GBF1: variants seen among roughly 807,000 people sequenced by gnomAD.
The protein encoded by GBF1 is Golgi-specific brefeldin A-resistance guanine nucleotide exchange factor 1.
A neutral mutation model predicts 210.5 loss-of-function variants in GBF1; 114 were observed. The ratio of observed to expected loss-of-function variants is 0.54; its 90% CI spans 0.47 to 0.63. The LOEUF (loss-of-function observed/expected upper bound fraction) is 0.63, where lower values mean the gene tolerates loss of function less well. Ranked by LOEUF, GBF1 falls within the 30% of genes least tolerant of loss-of-function variation. The pLI is 0.00. For missense variants in GBF1, 1,851 were observed against 2,357.7 expected (o/e 0.79, Z 4.45); for synonymous variants, 850 against 889.2 (o/e 0.96, Z 0.78).
chr10:102,244,186 G>A (rs150209239), upstream of GBF1, among the ~76,000 whole-genome samples: 1 of 152,268 alleles, frequency 6.6e-6, no homozygotes, highest in African/African-American at 2.4e-5. Context: ...ATAGCGCATC[G>A]TAGCACACGG....
intron 22 of GBF1, 30 bp from the exon 23 acceptor site, chr10:102,368,709 C>G: frequency 6.6e-7 from 1 of 1,520,352 alleles, no homozygotes; most frequent in Non-Finnish European, 9.1e-7. Flanking sequence ...TCCAGTGACT[C>G]TGTTTCTGGG....
At chr10:102,361,474 A>G (rs1405177530) in intron 13 of GBF1, among the ~76,000 whole-genome samples, 1 of 152,242 alleles carries the variant, frequency 6.6e-6, no homozygotes, top group Non-Finnish European at 1.5e-5. Context: ...ATGTTCACAT[A>G]GCACAAAAGG....
chr10:102,341,911 A>G lies in GBF1; in HGVS notation c.164-2140A>G, dbSNP rs568806852. 2.6e-5 allele frequency among the ~76,000 whole-genome samples: 4 copies of G among 152,014 alleles called. No individual in the cohort carries two copies. In the South Asian group the frequency reaches 6.2e-4, roughly 24 times the overall value. ...TCTGTACCTGTCCCGATTCTCAAAG[A>G]TTTTTTTCCTCTAGACTTTTATATG... is the stretch of plus-strand genomic sequence containing the variant. On this transcript the variant is annotated intron_variant, in intron 3 of 39. Coordinates refer to ENST00000369983, the MANE Select transcript of GBF1 (RefSeq NM_001377137.1).
chr10:102,364,214 TTTC>T (rs1380641657), intron 17 of GBF1, among the ~76,000 whole-genome samples: 15 of 142,922 alleles, frequency 1.0e-4, no homozygotes, highest in Middle Eastern at 7.1e-3. Context: ...GTACTTTGGA[TTTC>T]TTTTTTTTTT....
chr10:102,338,830 G>A (rs549956094), intron 3 of GBF1, among the ~76,000 whole-genome samples: 1 of 152,014 alleles, frequency 6.6e-6, no homozygotes, highest in African/African-American at 2.4e-5. Flanking sequence ...TCAGTACAGT[G>A]ATGAGAGAAA....
intron 1 of GBF1, among the ~76,000 whole-genome samples, chr10:102,257,394 G>A (rs770063879): frequency 1.3e-5 from 2 of 152,038 alleles, no homozygotes; most frequent in Admixed American, 6.6e-5. Flanking sequence ...CTGCAGCCTC[G>A]AACTCCTGAG....
chr10:102,308,981 GA>G (rs1186216279), intron 3 of GBF1, among the ~76,000 whole-genome samples: 2 of 152,176 alleles, frequency 1.3e-5, no homozygotes, highest in African/African-American at 4.8e-5. Context: ...TAAGAAGTTA[GA>G]ATAATGATTA....
intron 3 of GBF1, among the ~76,000 whole-genome samples, chr10:102,278,651 T>C (rs184950217): frequency 3.4e-4 from 52 of 152,366 alleles, no homozygotes; most frequent in African/African-American, 1.2e-3. Context: ...TCTTCTCTTA[T>C]AGCTATTTGG....
In GBF1 at chr10:102,365,337, G is replaced by C. The variant is rs957820512; in HGVS notation, c.2107-60G>C. Reference sequence around the variant, plus strand: ...GTGGGTGGGCTATGGTGGACTCCAGGCTGGCCTTGTCTAATTTAGAGGCAA... The same window carrying C: ...GTGGGTGGGCTATGGTGGACTCCAGCCTGGCCTTGTCTAATTTAGAGGCAA... On this transcript the variant is annotated intron_variant, in intron 17 of 39. Coordinates refer to ENST00000369983, the MANE Select transcript of GBF1 (RefSeq NM_001377137.1). 3.8e-6 allele frequency: 5 copies of C among 1,331,460 alleles called. No homozygotes were observed. In the African/African-American group the frequency reaches 7.2e-5, roughly 19 times the overall value. 82.5% of individuals were successfully genotyped at this position (1,331,460 alleles called of 1,614,324 possible).
At chr10:102,260,666 C>T (rs755596155) in intron 3 of GBF1, among the ~76,000 whole-genome samples, 6 of 151,192 alleles carry the variant, frequency 4.0e-5, no homozygotes, top group Admixed American at 6.6e-5. Context: ...TTAGTAGAGA[C>T]GGGGTTTCAC....
At chr10:102,367,641 C>T in intron 21 of GBF1, 81 bp downstream of exon 21, 3 of 865,320 alleles carry the variant, frequency 3.5e-6, no homozygotes, top group Non-Finnish European at 3.9e-6. Context: ...AGAGTCATGT[C>T]AGACTGCAGT....
intron 29 of GBF1, among the ~76,000 whole-genome samples, chr10:102,372,744 C>G (rs1391604935): frequency 1.3e-5 from 2 of 152,230 alleles, no homozygotes; most frequent in Admixed American, 6.5e-5. Context: ...GAACCTTGAC[C>G]TAAACCTCAT....
At chr10:102,281,592 A>G (rs2075488758) in intron 3 of GBF1, among the ~76,000 whole-genome samples, 1 of 149,460 alleles carries the variant, frequency 6.7e-6, no homozygotes, top group South Asian at 2.1e-4. Flanking sequence ...TTATATTATA[A>G]CTTAGACTCA....
At chr10:102,235,173 C>A in the GBF1 span, among the ~76,000 whole-genome samples, 1 of 56,132 alleles carries the variant, frequency 1.8e-5, no homozygotes, top group Non-Finnish European at 3.4e-5. Flanking sequence ...CCTTCCCCCA[C>A]CCCCCACCCC....
the GBF1 span, among the ~76,000 whole-genome samples, chr10:102,238,412 A>G: frequency 6.6e-6 from 1 of 152,092 alleles, no homozygotes; most frequent in African/African-American, 2.4e-5. Flanking sequence ...GCAGGCAGAG[A>G]TATTTGGCCT....
At chr10:102,230,817 G>A in the GBF1 span, 5 of 1,566,228 alleles carry the variant, frequency 3.2e-6, no homozygotes, top group Non-Finnish European at 1.7e-6. Context: ...GGGCAGCCGC[G>A]GCGGAGGGCA....
At chr10:102,343,697 A>C (rs536822672) in intron 3 of GBF1, among the ~76,000 whole-genome samples, 1 of 151,670 alleles carries the variant, frequency 6.6e-6, no homozygotes, top group East Asian at 2.0e-4. Flanking sequence ...AGACGCCTAT[A>C]GTCCCAGCTA....
At chr10:102,314,607 A>G (rs2078773230) in intron 3 of GBF1, among the ~76,000 whole-genome samples, 1 of 152,076 alleles carries the variant, frequency 6.6e-6, no homozygotes, top group South Asian at 2.1e-4. Flanking sequence ...TCACTGTTCT[A>G]TTACTTCTCC....
At chr10:102,285,854 G>A (rs1254061094) in intron 3 of GBF1, among the ~76,000 whole-genome samples, 1 of 151,366 alleles carries the variant, frequency 6.6e-6, no homozygotes, top group South Asian at 2.1e-4. Context: ...TATGTTGAGT[G>A]GTAGGTTTTT....
Sources: gnomAD v4.1 joint callset for allele counts (sites outside exome capture counted in the v4.1 genomes callset) on GRCh38, gnomAD v4.1.1 for gene constraint, MANE v1.5 for transcripts, NCBI Gene and HGNC (gene_info 2026-07-23, HGNC 2026-07-21) for gene names.